Variants in HIVEP3 observed in about 807,000 individuals in gnomAD.
HIVEP3 encodes the protein HIVEP zinc finger 3.
A neutral mutation model predicts 152.8 loss-of-function variants in HIVEP3; 49 were observed. The ratio of observed to expected loss-of-function variants is 0.32; its 90% CI spans 0.26 to 0.41. HIVEP3 has a LOEUF of 0.41. HIVEP3 is among the 10% of genes least tolerant of loss of function. The probability of loss-of-function intolerance (pLI) is 1.00; values close to 1 mark genes in which losing one functional copy is unlikely to be tolerated. For missense variants in HIVEP3, 2,790 were observed against 3,103.3 expected (o/e 0.90, Z 2.40); for synonymous variants, 1,269 against 1,289.0 (o/e 0.98, Z 0.33).
At chr1:42,002,488 G>C (rs1197160789) in intron 1 of HIVEP3, among the ~76,000 whole-genome samples, 1 of 152,212 alleles carries the variant, frequency 6.6e-6, no homozygotes, top group Non-Finnish European at 1.5e-5. Context: ...GGAAAGATCA[G>C]GACTGGCTCT....
intron 1 of HIVEP3, among the ~76,000 whole-genome samples, chr1:41,993,297 T>G (rs1645374464): frequency 6.6e-6 from 1 of 150,864 alleles, no homozygotes; most frequent in Admixed American, 6.6e-5. Context: ...TCAAACAAAT[T>G]TACAAGAAAA....
Position 41,581,402 on chromosome 1 carries a change from G to A in HIVEP3, c.3396C>T (p.Pro1132=), listed in dbSNP as rs545189259. The part of the protein sequence containing the change: ...QVFHHPVAQT[P]LHEKPYLPPP... The stretch of plus-strand genomic sequence containing the variant: ...GGGGCAGGTATGGCTTCTCATGCAG[G>A]GGTGTCTGGGCAACGGGGTGGTGGA... Residue 1132 remains proline, a synonymous_variant, in exon 4 of 9, where the codon CCC becomes CCT. Coordinates refer to ENST00000372583, the MANE Select transcript of HIVEP3 (RefSeq NM_024503.5). This position sits in a 1 kb window ranked among gnomAD's most constrained non-coding sequence, Gnocchi z 4.5. The A allele has an allele frequency of 9.5e-5, 152 of 1,606,644 alleles. 2 individuals are homozygous for A. In the South Asian group the frequency reaches 1.6e-3, roughly 17 times the overall value.
chr1:41,904,221 G>T (rs1285947882), intron 1 of HIVEP3, among the ~76,000 whole-genome samples: 1 of 152,088 alleles, frequency 6.6e-6, no homozygotes, highest in East Asian at 1.9e-4. Context: ...ATTGGCAGCA[G>T]CAGGAGGGCC....
intron 1 of HIVEP3, among the ~76,000 whole-genome samples, chr1:42,026,164 C>T (rs1645581178): frequency 6.6e-6 from 1 of 152,154 alleles, no homozygotes; most frequent in Admixed American, 6.5e-5. Flanking sequence ...CCAGGGCAAC[C>T]TCCCTGCTGT....
chr1:41,869,355 G>A (rs1047091348), intron 1 of HIVEP3, among the ~76,000 whole-genome samples: 3 of 152,182 alleles, frequency 2.0e-5, no homozygotes, highest in African/African-American at 7.2e-5. Flanking sequence ...AAAGGTGACT[G>A]CCTTCCTTTC....
At chr1:41,592,955 C>G (rs1207479096) in intron 3 of HIVEP3, among the ~76,000 whole-genome samples, 5 of 152,196 alleles carry the variant, frequency 3.3e-5, no homozygotes, top group Non-Finnish European at 7.3e-5. Context: ...TGCTGACCCT[C>G]TCTTGGGCTG....
intron 1 of HIVEP3, among the ~76,000 whole-genome samples, chr1:41,776,838 T>A (rs1648733854): frequency 6.6e-6 from 1 of 152,198 alleles, no homozygotes; most frequent in African/African-American, 2.4e-5. Context: ...ACACCTGCTA[T>A]TCCTCCCTCC....
intron 1 of HIVEP3, among the ~76,000 whole-genome samples, chr1:41,783,138 G>A (rs572753586): frequency 5.3e-5 from 8 of 152,296 alleles, no homozygotes; most frequent in Admixed American, 3.3e-4. Flanking sequence ...CCTGGGAACC[G>A]AGTACAGAGT....
intron 5 of HIVEP3, among the ~76,000 whole-genome samples, chr1:41,569,875 TA>T (rs1241050280): frequency 1.3e-5 from 2 of 152,234 alleles, no homozygotes; most frequent in Non-Finnish European, 2.9e-5. Context: ...GTTAAAAATG[TA>T]ACCCCTTCAA....
At chr1:41,712,318 G>A (rs536298690) in intron 1 of HIVEP3, among the ~76,000 whole-genome samples, 2 of 152,304 alleles carry the variant, frequency 1.3e-5, no homozygotes, top group South Asian at 2.1e-4. Context: ...GTAAAGATGC[G>A]CCCACTGCTT....
At chr1:41,567,698 G>A (rs1644187850) in intron 5 of HIVEP3, among the ~76,000 whole-genome samples, 1 of 152,178 alleles carries the variant, frequency 6.6e-6, no homozygotes, top group Non-Finnish European at 1.5e-5. Context: ...AGAAGGCCCT[G>A]GCCTGGGAGC....
At chr1:41,834,329 T>C (rs11210531) in intron 1 of HIVEP3, among the ~76,000 whole-genome samples, 5 of 152,316 alleles carry the variant, frequency 3.3e-5, no homozygotes, top group Non-Finnish European at 5.9e-5. Flanking sequence ...AATATGTCCA[T>C]GCCCTCCCCA....
At chr1:41,776,860 C>T (rs1378846546) in intron 1 of HIVEP3, among the ~76,000 whole-genome samples, 1 of 152,190 alleles carries the variant, frequency 6.6e-6, no homozygotes, top group African/African-American at 2.4e-5. Context: ...TTCACTCTTA[C>T]AGCAGATCTT....
chr1:41,712,845 C>A (rs918341681), intron 1 of HIVEP3, among the ~76,000 whole-genome samples: 11 of 152,230 alleles, frequency 7.2e-5, no homozygotes, highest in African/African-American at 2.4e-4. Flanking sequence ...AGCCACCAGG[C>A]CTTTTCAGCC....
chr1:41,972,504 A>G (rs988848325), intron 1 of HIVEP3, among the ~76,000 whole-genome samples: 2 of 152,200 alleles, frequency 1.3e-5, no homozygotes, highest in African/African-American at 4.8e-5. Context: ...CCAGTGAGGG[A>G]GATGGACATT....
At chr1:41,828,247 A>G (rs911137441) in intron 1 of HIVEP3, among the ~76,000 whole-genome samples, 3 of 152,214 alleles carry the variant, frequency 2.0e-5, no homozygotes, top group Non-Finnish European at 2.9e-5. Flanking sequence ...GCTGGACAGC[A>G]GGACTCCCCG....
intron 1 of HIVEP3, among the ~76,000 whole-genome samples, chr1:41,934,648 A>C (rs1645011569): frequency 6.6e-6 from 1 of 152,168 alleles, no homozygotes; most frequent in South Asian, 2.1e-4. Context: ...ACTTGCTTAA[A>C]GAGCTTTAGG....
At chr1:41,728,729 G>A (rs1026695510) in intron 1 of HIVEP3, among the ~76,000 whole-genome samples, 10 of 152,202 alleles carry the variant, frequency 6.6e-5, no homozygotes, top group African/African-American at 2.4e-4. Flanking sequence ...TGCCTAGGCT[G>A]CAGTTTGTCT....
At chr1:41,657,337 A>G (rs1318047468) in intron 2 of HIVEP3, among the ~76,000 whole-genome samples, 6 of 152,200 alleles carry the variant, frequency 3.9e-5, no homozygotes, top group African/African-American at 1.2e-4. Flanking sequence ...TGTCAGAGGC[A>G]TGGGAAGTGA....
Sources: allele counts gnomAD v4.1 joint callset (sites outside exome capture counted in the v4.1 genomes callset), GRCh38; gene constraint gnomAD v4.1.1; non-coding constraint Gnocchi (gnomAD v3.1); transcripts MANE v1.5; gene names NCBI Gene and HGNC (gene_info 2026-07-23, HGNC 2026-07-21).